Variants in GSDME observed in about 807,000 individuals in gnomAD.
GSDME encodes gasdermin E.
In GSDME, 44 loss-of-function variants were observed where a neutral mutation model predicts 47.5. That is an observed-to-expected ratio of 0.93 (90% CI 0.73 to 1.19). GSDME has a LOEUF of 1.19. Ranked by LOEUF, GSDME falls within the 50% of genes most tolerant of loss-of-function variation. The probability of loss-of-function intolerance (pLI) is 0.00; values close to 1 mark genes in which losing one functional copy is unlikely to be tolerated. For missense variants in GSDME, 663 were observed against 604.2 expected (o/e 1.10, Z -1.02); for synonymous variants, 258 against 252.8 (o/e 1.02, Z -0.20).
In GSDME at chr7:24,706,394, A is replaced by G; in HGVS notation, c.991-18T>C. On this transcript the variant is annotated intron_variant, in intron 7 of 9. Transcript: ENST00000645220. ...TCATCGCACTGTAGGGCAGGGAAGA[A>G]GAAGGGTCATGACACAGCTGGAGAC... 6.2e-7 allele frequency: 1 copy of G among 1,609,930 alleles called. No homozygotes were observed. The highest frequency in any genetic ancestry group is 8.5e-7 in the Non-Finnish European group (1 of 1,178,908).
chr7:24,769,751 T>A, the GSDME span, among the ~76,000 whole-genome samples: 1 of 151,998 alleles, frequency 6.6e-6, no homozygotes, highest in Admixed American at 6.6e-5. Flanking sequence ...AGTAAAAAAC[T>A]AAACAAAACA....
At chr7:24,763,806 C>T in the GSDME span, among the ~76,000 whole-genome samples, 1 of 152,116 alleles carries the variant, frequency 6.6e-6, no homozygotes, top group African/African-American at 2.4e-5. This position sits in a 1 kb window ranked among gnomAD's most constrained non-coding sequence, Gnocchi z 4.3. Context: ...AACTGGGTTT[C>T]GAGAGCAGTG....
At chr7:24,785,252 A>G in the GSDME span, among the ~76,000 whole-genome samples, 3 of 152,200 alleles carry the variant, frequency 2.0e-5, no homozygotes, top group Non-Finnish European at 4.4e-5. Flanking sequence ...TAAGATATGT[A>G]CTACCTGACT....
At chr7:24,730,980 C>T (rs113867781) in intron 3 of GSDME, among the ~76,000 whole-genome samples, 2 of 152,266 alleles carry the variant, frequency 1.3e-5, no homozygotes, top group African/African-American at 4.8e-5. Context: ...GTCAGACAAG[C>T]TTTCAGGGGC....
chr7:24,760,835 GA>G (rs1791155706), upstream of GSDME, among the ~76,000 whole-genome samples: 2 of 152,270 alleles, frequency 1.3e-5, no homozygotes, highest in African/African-American at 4.8e-5. This position sits in a 1 kb window ranked among gnomAD's most constrained non-coding sequence, Gnocchi z 4.2. Flanking sequence ...AAGCTTTATA[GA>G]GGGTTAAATA....
Position 24,735,761 on chromosome 7 carries a change from AAAT to A in GSDME, c.404+8798_404+8800del. 1.5e-4 allele frequency among the ~76,000 whole-genome samples: 1 copy of A among 6,772 alleles called. No homozygotes were observed. The highest frequency in any genetic ancestry group is 1.8e-3 in the Admixed American group (1 of 562). 4.4% of individuals were successfully genotyped at this position (6,772 alleles called of 152,430 possible). On this transcript the variant is annotated intron_variant, in intron 3 of 9. Transcript: ENST00000645220. The surrounding 1 kb of genome is among the most constrained non-coding windows in gnomAD (Gnocchi z 4.4). ...TGACAACAGCAAAACTCTATCTCAA[AAAT>A]AAATAAATAAATAAATAAATAAATA...
intron 4 of GSDME, among the ~76,000 whole-genome samples, chr7:24,718,736 A>T (rs1236758340): frequency 6.6e-6 from 1 of 152,188 alleles, no homozygotes; most frequent in African/African-American, 2.4e-5. Flanking sequence ...CTGGAGTTGC[A>T]GCAAATCAGG....
At chr7:24,734,204 C>T (rs1326442527) in intron 3 of GSDME, among the ~76,000 whole-genome samples, 1 of 152,226 alleles carries the variant, frequency 6.6e-6, no homozygotes, top group Non-Finnish European at 1.5e-5. Flanking sequence ...TCTATAAGAA[C>T]CACACAGTTA....
chr7:24,730,172 T>C (rs559286847), intron 3 of GSDME, among the ~76,000 whole-genome samples: 1 of 152,340 alleles, frequency 6.6e-6, no homozygotes, highest in East Asian at 1.9e-4. Flanking sequence ...AAACACTATA[T>C]GAACAGCCCA....
chr7:24,773,236 C>T, the GSDME span, among the ~76,000 whole-genome samples: 4 of 152,276 alleles, frequency 2.6e-5, no homozygotes, highest in African/African-American at 9.6e-5. This position sits in a 1 kb window ranked among gnomAD's most constrained non-coding sequence, Gnocchi z 5.4. Context: ...GTATGTAATC[C>T]AATTCAGTGT....
At chr7:24,707,883 G>T in intron 7 of GSDME, 1 of 583,384 alleles carries the variant, frequency 1.7e-6, no homozygotes, top group East Asian at 2.8e-5. Context: ...AACTATGAGA[G>T]AATAAATTCC....
At chr7:24,717,471 T>C in intron 4 of GSDME, 97 bp from the exon 5 acceptor site, 1 of 1,567,254 alleles carries the variant, frequency 6.4e-7, no homozygotes. Flanking sequence ...ACATAAGAGA[T>C]GCTGAGCAAT....
chr7:24,760,138 A>C (rs547252100), upstream of GSDME, among the ~76,000 whole-genome samples: 5 of 152,352 alleles, frequency 3.3e-5, no homozygotes, highest in Admixed American at 3.3e-4. The surrounding 1 kb of genome is among the most constrained non-coding windows in gnomAD (Gnocchi z 4.2). Flanking sequence ...TTCGTTATAT[A>C]AACTATGTTT....
At chr7:24,793,787 T>TC in the GSDME span, among the ~76,000 whole-genome samples, 2,414 of 150,344 alleles carry the variant, frequency 0.016, 30 homozygotes, top group East Asian at 0.027. Flanking sequence ...CCCTTTTCTT[T>TC]TTTTTTTTTT....
chr7:24,782,928 AT>A, the GSDME span, among the ~76,000 whole-genome samples: 1 of 152,182 alleles, frequency 6.6e-6, no homozygotes, highest in East Asian at 1.9e-4. Flanking sequence ...GCAAAAACAC[AT>A]TTTTAATGAA....
intron 3 of GSDME, among the ~76,000 whole-genome samples, chr7:24,730,582 T>A (rs1051504273): frequency 5.9e-4 from 90 of 152,284 alleles, no homozygotes; most frequent in African/African-American, 2.1e-3. Context: ...TTTGGGAGGC[T>A]GAGATGGGCA....
chr7:24,774,302 TTCCTCCCTCCCTTCCTTCTTCCCTC>T, the GSDME span, among the ~76,000 whole-genome samples: 2 of 88,610 alleles, frequency 2.3e-5, no homozygotes, highest in East Asian at 7.8e-4. Context: ...CCTCCCTCCC[TTCCTCCCTCCCTTCCTTCTTCCCTC>T]CCTCCCTCCC....
intron 3 of GSDME, among the ~76,000 whole-genome samples, chr7:24,738,711 A>G (rs1790388706): frequency 6.6e-6 from 1 of 152,244 alleles, no homozygotes; most frequent in Admixed American, 6.5e-5. Flanking sequence ...TGGATGAATC[A>G]CATTACCTGA....
rs1035804237 is a variant in GSDME, at chr7:24,733,914, G to C, written c.404+10648C>G. Among the ~76,000 whole-genome samples the C allele has an allele frequency of 6.6e-6, 1 of 152,192 alleles. No homozygotes were observed. The highest frequency in any genetic ancestry group is 1.5e-5 in the Non-Finnish European group (1 of 68,040). On this transcript the variant is annotated intron_variant, in intron 3 of 9. Transcript: ENST00000645220. The surrounding 1 kb of genome is among the most constrained non-coding windows in gnomAD (Gnocchi z 4.3). ...GGCTTTACCACCTGCTGATTATACA[G>C]CCCTAGGGCCTTGAGCAAACATAGG...
Sources: allele counts gnomAD v4.1 joint callset (sites outside exome capture counted in the v4.1 genomes callset), GRCh38; gene constraint gnomAD v4.1.1; non-coding constraint Gnocchi (gnomAD v3.1); transcripts MANE v1.5; gene names NCBI Gene and HGNC (gene_info 2026-07-23, HGNC 2026-07-21).